Variants in CNTN5 observed in about 807,000 individuals in gnomAD.
CNTN5 encodes contactin-5.
In CNTN5, 77 loss-of-function variants were observed where a neutral mutation model predicts 129.1. The observed-to-expected ratio is 0.60, with a 90% CI of 0.50 to 0.72. The LOEUF is 0.72. Among genes scored for constraint, CNTN5 ranks in the 30% least tolerant of loss-of-function variants. The pLI, the probability that CNTN5 is intolerant of heterozygous loss-of-function variation, is 0.00. For synonymous variants in CNTN5, 509 were observed against 465.6 expected (o/e 1.09, Z -1.20); for missense variants, 1,478 against 1,328.8 (o/e 1.11, Z -1.75).
intron 1 of CNTN5, among the ~76,000 whole-genome samples, chr11:99,162,592 T>C (rs1860670189): frequency 6.6e-6 from 1 of 152,164 alleles, no homozygotes; most frequent in Non-Finnish European, 1.5e-5. Flanking sequence ...AGTACAATAT[T>C]TTCTTCCTAT....
intron 3 of CNTN5, among the ~76,000 whole-genome samples, chr11:99,759,805 G>T (rs1944520503): frequency 6.6e-6 from 1 of 151,996 alleles, no homozygotes; most frequent in Non-Finnish European, 1.5e-5. Flanking sequence ...TTAAAAGAAA[G>T]AAAACTTAAT....
intron 1 of CNTN5, among the ~76,000 whole-genome samples, chr11:99,318,361 C>G (rs1865431297): frequency 6.6e-6 from 1 of 152,086 alleles, no homozygotes. Context: ...ACTCCCAATC[C>G]TGGGGTTCTT....
At chr11:99,409,786 A>G (rs1234042744) in intron 2 of CNTN5, among the ~76,000 whole-genome samples, 1 of 152,190 alleles carries the variant, frequency 6.6e-6, no homozygotes. Context: ...TGGCAAAATG[A>G]CCTAATAATT....
At chr11:99,768,906 C>A (rs1943103431) in intron 3 of CNTN5, among the ~76,000 whole-genome samples, 1 of 152,120 alleles carries the variant, frequency 6.6e-6, no homozygotes, top group Admixed American at 6.6e-5. Context: ...GATTTAACAT[C>A]TATTGATGAT....
chr11:99,369,895 T>A (rs1377467283), intron 2 of CNTN5, among the ~76,000 whole-genome samples: 1 of 152,104 alleles, frequency 6.6e-6, no homozygotes, highest in Admixed American at 6.6e-5. Flanking sequence ...AAAAAAAAAT[T>A]ACACCAGTGA....
chr11:99,146,471 A>G (rs1022474762), intron 1 of CNTN5, among the ~76,000 whole-genome samples: 3 of 152,120 alleles, frequency 2.0e-5, no homozygotes, highest in East Asian at 1.9e-4. Flanking sequence ...AAAATACCAT[A>G]TATATATTAA....
chr11:100,055,462 G>T (rs1943178618), intron 9 of CNTN5, among the ~76,000 whole-genome samples: 1 of 151,330 alleles, frequency 6.6e-6, no homozygotes, highest in Non-Finnish European at 1.5e-5. Context: ...ATATCCTTTA[G>T]TAATGGTTTA....
chr11:100,328,242 C>A (rs187480663), intron 21 of CNTN5, among the ~76,000 whole-genome samples: 1 of 151,910 alleles, frequency 6.6e-6, no homozygotes, highest in Non-Finnish European at 1.5e-5. Flanking sequence ...TGTAGTCCTA[C>A]CTACTAGGGA....
rs1454735333 is a variant in CNTN5 at position 99,556,320 on chromosome 11, C to A, written c.55+51C>A. Reference sequence around the variant, plus strand: ...TTGATTTTCTAAGTATCAAAATAACCAAAATATATCAAGGTCTCCATTACA... The same window carrying A: ...TTGATTTTCTAAGTATCAAAATAACAAAAATATATCAAGGTCTCCATTACA... On this transcript the variant is annotated intron_variant, in intron 3 of 24. Coordinates refer to ENST00000524871, the MANE Select transcript of CNTN5 (RefSeq NM_014361.4). 22 of 1,107,488 alleles carry A rather than the reference C, an allele frequency of 2.0e-5. No individual in the cohort carries two copies. In the Admixed American group the frequency reaches 4.6e-4, roughly 23 times the overall value. 68.6% of individuals were successfully genotyped at this position (1,107,488 alleles called of 1,614,324 possible). A position where few individuals can be genotyped will look rare whatever the true frequency, so the allele number is the denominator to read the frequency against.
At chr11:99,891,933 T>C (rs1436985399) in intron 6 of CNTN5, among the ~76,000 whole-genome samples, 2 of 152,136 alleles carry the variant, frequency 1.3e-5, no homozygotes, top group Non-Finnish European at 2.9e-5. Context: ...TTGAACTAAT[T>C]TACACTCCCA....
intron 2 of CNTN5, among the ~76,000 whole-genome samples, chr11:99,500,850 A>G (rs1946400490): frequency 6.6e-6 from 1 of 152,134 alleles, no homozygotes; most frequent in South Asian, 2.1e-4. Flanking sequence ...TTATTTAAAT[A>G]TTTTTAGATA....
intron 2 of CNTN5, among the ~76,000 whole-genome samples, chr11:99,434,773 A>C (rs1007596232): frequency 6.6e-6 from 1 of 152,136 alleles, no homozygotes; most frequent in African/African-American, 2.4e-5. Flanking sequence ...AGGTGCCCAA[A>C]AATTGCTGTG....
intron 9 of CNTN5, among the ~76,000 whole-genome samples, chr11:100,018,821 G>A (rs149929209): frequency 5.9e-5 from 9 of 152,020 alleles, no homozygotes; most frequent in East Asian, 1.9e-4. Flanking sequence ...GTACCTCCAC[G>A]TCTTTGCCAA....
intron 3 of CNTN5, among the ~76,000 whole-genome samples, chr11:99,640,489 A>G (rs1453340652): frequency 1.3e-5 from 2 of 152,202 alleles, no homozygotes; most frequent in South Asian, 2.1e-4. Context: ...ACCAGCCCCC[A>G]TGATTCAATT....
chr11:99,192,915 C>CTCCA (rs1172587833), intron 1 of CNTN5, among the ~76,000 whole-genome samples: 2 of 152,090 alleles, frequency 1.3e-5, no homozygotes, highest in Non-Finnish European at 2.9e-5. Flanking sequence ...AAATGACCAT[C>CTCCA]TCCATATGTT....
intron 21 of CNTN5, among the ~76,000 whole-genome samples, chr11:100,315,952 A>G (rs922971193): frequency 2.0e-5 from 3 of 152,182 alleles, no homozygotes; most frequent in Admixed American, 6.5e-5. Flanking sequence ...ACTTTGATTC[A>G]TGAATAACCA....
intron 1 of CNTN5, among the ~76,000 whole-genome samples, chr11:99,143,899 AAGTGAT>A (rs1443371086): frequency 1.3e-5 from 2 of 152,200 alleles, no homozygotes; most frequent in Non-Finnish European, 2.9e-5. Context: ...TGTTCTTTGA[AAGTGAT>A]ATCCTACAAA....
intron 13 of CNTN5, among the ~76,000 whole-genome samples, chr11:100,079,076 G>T (rs1181182938): frequency 6.6e-6 from 1 of 152,046 alleles, no homozygotes; most frequent in Non-Finnish European, 1.5e-5. Context: ...TCAGATCTAT[G>T]AGAACTCATT....
chr11:99,841,631 CAGA>C (rs1374589316), intron 4 of CNTN5, among the ~76,000 whole-genome samples: 1 of 149,804 alleles, frequency 6.7e-6, no homozygotes, highest in Non-Finnish European at 1.5e-5. Flanking sequence ...GCAGCATCAG[CAGA>C]AGAGGAGGAG....
Sources: gnomAD v4.1 joint callset for allele counts (sites outside exome capture counted in the v4.1 genomes callset) on GRCh38, gnomAD v4.1.1 for gene constraint, MANE v1.5 for transcripts, NCBI Gene and HGNC (gene_info 2026-07-23, HGNC 2026-07-21) for gene names.